LRRC49: variants seen among roughly 807,000 people sequenced by gnomAD.
The protein encoded by LRRC49 is leucine rich repeat containing 49.
Under a neutral mutation model 83.3 loss-of-function variants are expected in LRRC49, and 50 were observed. That is an observed-to-expected ratio of 0.60 (90% CI 0.48 to 0.76). The LOEUF is 0.76. LRRC49 is among the 30% of genes least tolerant of loss of function. LRRC49 has a pLI of 0.00. For synonymous variants in LRRC49, 286 were observed against 283.3 expected (o/e 1.01, Z -0.10); for missense variants, 704 against 809.1 (o/e 0.87, Z 1.58).
In LRRC49 at chr15:71,021,388, T is replaced by C. The variant is rs371564523; in HGVS notation, c.1703+8475T>C. Reference sequence around the variant, plus strand: ...ATGGTAACCAAATAATAAGCAAATATATAGCTTCCAAATTAGTAAGGTAAG... The same window carrying C: ...ATGGTAACCAAATAATAAGCAAATACATAGCTTCCAAATTAGTAAGGTAAG... On this transcript the variant is annotated intron_variant, in intron 14 of 15. Coordinates refer to ENST00000260382, the MANE Select transcript of LRRC49 (RefSeq NM_017691.5). 2.0e-5 allele frequency among the ~76,000 whole-genome samples: 3 copies of C among 152,238 alleles called. No homozygotes were observed. In the South Asian group the frequency reaches 6.2e-4, roughly 32 times the overall value.
Position 70,963,782 on chromosome 15 carries a change from C to A in LRRC49, c.774-3C>A. On this transcript the variant is annotated splice_region_variant and splice_polypyrimidine_tract_variant and intron_variant, in intron 8 of 15. Transcript: ENST00000260382. ...AATCCAGTGGTTTCTGTCTCTCCTG[C>A]AGTTTTGACAGTGTTTCCTGCCTTG... 6.2e-7 allele frequency: 1 copy of A among 1,612,356 alleles called. No homozygotes were observed. Among genetic ancestry groups the A allele is most frequent in the Non-Finnish European group, 8.5e-7 (1 of 1,179,102 alleles).
chr15:70,899,236 C>A (rs1182412195), intron 3 of LRRC49, among the ~76,000 whole-genome samples: 1 of 152,166 alleles, frequency 6.6e-6, no homozygotes, highest in Non-Finnish European at 1.5e-5. Context: ...GAAGCCTTAA[C>A]AAAATCATTC....
At chr15:70,940,025 A>G (rs949417033) in intron 8 of LRRC49, among the ~76,000 whole-genome samples, 9 of 151,992 alleles carry the variant, frequency 5.9e-5, no homozygotes, top group South Asian at 2.1e-4. Flanking sequence ...GCTGTTTTCA[A>G]AATTTTACTG....
intron 11 of LRRC49, among the ~76,000 whole-genome samples, chr15:70,997,307 T>C (rs1210212504): frequency 6.6e-6 from 1 of 152,236 alleles, no homozygotes; most frequent in East Asian, 1.9e-4. Flanking sequence ...CTCATAAAAA[T>C]ATTTGATATA....
intron 8 of LRRC49, among the ~76,000 whole-genome samples, chr15:70,948,119 C>T (rs777918130): frequency 3.9e-5 from 6 of 151,948 alleles, no homozygotes; most frequent in South Asian, 2.1e-4. Flanking sequence ...TGTGTGCACA[C>T]GTGTGTGTTC....
At chr15:70,857,047 G>A (rs758063754) in intron 1 of LRRC49, among the ~76,000 whole-genome samples, 1 of 152,084 alleles carries the variant, frequency 6.6e-6, no homozygotes, top group Non-Finnish European at 1.5e-5. Context: ...CATGACCTCA[G>A]CCTGGAGTTG....
chr15:71,036,514 T>C (rs1200770875), intron 14 of LRRC49, among the ~76,000 whole-genome samples: 1 of 152,162 alleles, frequency 6.6e-6, no homozygotes, highest in African/African-American at 2.4e-5. Flanking sequence ...TGAGACACCC[T>C]AAGTGGTGGA....
At position 70,993,310 on chromosome 15, in the gene LRRC49, C is replaced by G. The variant is rs562538219; in HGVS notation, c.1169+9053C>G. Among the ~76,000 whole-genome samples, 13 of 152,310 alleles carry G rather than the reference C, an allele frequency of 8.5e-5. No individual in the cohort carries two copies. The South Asian group carries it at 2.7e-3, about 32-fold the overall frequency. On this transcript the variant is annotated intron_variant, in intron 11 of 15. Coordinates refer to ENST00000260382, the MANE Select transcript of LRRC49 (RefSeq NM_017691.5). ...CTTCCCTTGGCTAGGAAAGGGAATT[C>G]CCTGACCCTTTGCCCTTCCCAGGTG...
chr15:71,009,689 T>TA (rs1299526903), intron 12 of LRRC49, 118 bp from the exon 13 acceptor site: 2 of 631,536 alleles, frequency 3.2e-6, no homozygotes, highest in Non-Finnish European at 5.3e-6. Flanking sequence ...TGAAAACATA[T>TA]TTGCTAAGCC....
chr15:70,901,831 G>T (rs1472047936), intron 4 of LRRC49, among the ~76,000 whole-genome samples: 3 of 151,934 alleles, frequency 2.0e-5, no homozygotes, highest in African/African-American at 7.3e-5. Context: ...TTTTTTAATG[G>T]AAGAATATAT....
At chr15:70,986,701 C>T (rs2037634018) in intron 11 of LRRC49, among the ~76,000 whole-genome samples, 1 of 152,274 alleles carries the variant, frequency 6.6e-6, no homozygotes, top group African/African-American at 2.4e-5. Flanking sequence ...GAGGGCATCC[C>T]TGTCTTGTGC....
At chr15:71,010,840 T>C (rs955770652) in intron 13 of LRRC49, among the ~76,000 whole-genome samples, 5 of 152,080 alleles carry the variant, frequency 3.3e-5, no homozygotes, top group Admixed American at 3.3e-4. Context: ...ATGTTGTTAG[T>C]CTTATTACAA....
upstream of LRRC49, chr15:70,892,465 T>C (rs906805958): frequency 1.0e-5 from 16 of 1,525,770 alleles, no homozygotes; most frequent in Non-Finnish European, 1.4e-5. Flanking sequence ...CTTTGATATC[T>C]TCCTCCTCCT....
At chr15:71,046,025 C>T (rs1421040205) in intron 15 of LRRC49, among the ~76,000 whole-genome samples, 3 of 152,110 alleles carry the variant, frequency 2.0e-5, no homozygotes, top group African/African-American at 7.2e-5. Flanking sequence ...GACAGGATTT[C>T]ACTCTTTGTT....
At chr15:70,864,687 G>A (rs2032873003) in intron 1 of LRRC49, among the ~76,000 whole-genome samples, 1 of 152,322 alleles carries the variant, frequency 6.6e-6, no homozygotes, top group African/African-American at 2.4e-5. Flanking sequence ...ATATCACTCA[G>A]GGGAACTTTT....
intron 7 of LRRC49, among the ~76,000 whole-genome samples, chr15:70,930,904 G>A (rs1274976817): frequency 6.6e-6 from 1 of 152,174 alleles, no homozygotes; most frequent in Non-Finnish European, 1.5e-5. Context: ...TCTGGATTAG[G>A]CTTTGGCTTA....
At position 70,884,170 on chromosome 15, in the gene LRRC49, C is replaced by T. The variant is rs576738986; in HGVS notation, c.19-9414C>T. Reference sequence around the variant, plus strand: ...AAGTGTTTAGCAGTAGTGGCAGCTGCCTTCAAACCACTGAAAAAATATTTT... The same window carrying T: ...AAGTGTTTAGCAGTAGTGGCAGCTGTCTTCAAACCACTGAAAAAATATTTT... On this transcript the variant is annotated intron_variant, in intron 2 of 16. Transcript: ENST00000544974. 2.5e-3 allele frequency among the ~76,000 whole-genome samples: 379 copies of T among 152,114 alleles called. 3 individuals carry two copies. Among genetic ancestry groups the T allele is most frequent in the African/African-American group, 9.1e-3 (376 of 41,492 alleles).
chr15:71,011,218 T>A (rs1357810844), intron 13 of LRRC49, among the ~76,000 whole-genome samples: 1 of 152,088 alleles, frequency 6.6e-6, no homozygotes, highest in Non-Finnish European at 1.5e-5. Context: ...TGGAAGGACC[T>A]AATAATTAGT....
intron 7 of LRRC49, among the ~76,000 whole-genome samples, chr15:70,934,196 T>C (rs2141154579): frequency 6.6e-6 from 1 of 152,326 alleles, no homozygotes; most frequent in Middle Eastern, 3.4e-3. Context: ...CTAGTAGTTT[T>C]TAACAGGTCT....
Sources: allele counts gnomAD v4.1 joint callset (sites outside exome capture counted in the v4.1 genomes callset), GRCh38; gene constraint gnomAD v4.1.1; transcripts MANE v1.5; gene names NCBI Gene and HGNC (gene_info 2026-07-23, HGNC 2026-07-21).